THSD7A: variants seen among roughly 807,000 people sequenced by gnomAD.
The protein encoded by THSD7A is thrombospondin type 1 domain containing 7A, also known as thrombospondin type-1 domain-containing protein 7A.
A neutral mutation model predicts 231.3 loss-of-function variants in THSD7A; 96 were observed. That is an observed-to-expected ratio of 0.41 (90% CI 0.35 to 0.49). The LOEUF (loss-of-function observed/expected upper bound fraction) is 0.49. Among genes scored for constraint, THSD7A ranks in the 20% least tolerant of loss-of-function variants. THSD7A has a pLI of 0.05. For missense variants in THSD7A, 2,290 were observed against 2,070.2 expected (o/e 1.11, Z -2.06); for synonymous variants, 940 against 743.3 (o/e 1.26, Z -4.30).
chr7:11,550,964 A>T (rs924310761), intron 4 of THSD7A, among the ~76,000 whole-genome samples: 6 of 152,156 alleles, frequency 3.9e-5, no homozygotes, highest in Admixed American at 3.9e-4. Context: ...AGGCTGTAGT[A>T]ACCAAAACAG....
At chr7:11,394,459 G>C (rs913204213) in intron 23 of THSD7A, among the ~76,000 whole-genome samples, 1 of 152,148 alleles carries the variant, frequency 6.6e-6, no homozygotes. Context: ...CCTTCGGAAA[G>C]GTGCGAAGGC....
rs200675098 is a variant in THSD7A at position 11,636,155 on chromosome 7, T to C, written c.997A>G (p.Lys333Glu). The change falls in exon 2 of 28, where the codon AAG becomes GAG. Residue 333 changes from lysine (K) to glutamate (E), a missense_variant. Lys to Glu is a moderately conservative substitution (Grantham distance 56). Coordinates refer to ENST00000423059, the MANE Select transcript of THSD7A (RefSeq NM_015204.3). The surrounding 1 kb of genome is among the most constrained non-coding windows in gnomAD (Gnocchi z 10.0). ...CTTAAATCAGCAGCTTTCCCCGTCT[T>C]GTTAATGCACATAACCTCTCTGGTC... ...YQTREVMCINKTGKAADLSFC... is the reference protein window; with the variant it reads ...YQTREVMCINETGKAADLSFC... The C allele has an allele frequency of 2.5e-4, 407 of 1,612,656 alleles. No homozygotes were observed. The highest frequency in any genetic ancestry group is 3.2e-4 in the Non-Finnish European group (382 of 1,179,368).
chr7:11,601,257 T>A (rs752530146), intron 2 of THSD7A, among the ~76,000 whole-genome samples: 1 of 152,216 alleles, frequency 6.6e-6, no homozygotes, highest in South Asian at 2.1e-4. Context: ...GGATTAACAA[T>A]CTCAGCTTTT....
rs186831967 is a variant in THSD7A, at chr7:11,452,962, A to C, written c.2606-5538T>G. 2.0e-5 allele frequency among the ~76,000 whole-genome samples: 3 copies of C among 151,966 alleles called. No individual in the cohort carries two copies. The East Asian group carries it at 5.8e-4, about 29-fold the overall frequency. ...GAGATTAAAAATTACGTCTGTATAAAATTTCCTTAAAGCAAGCTCCTTCTC... is the reference window on the plus strand; with the variant it reads ...GAGATTAAAAATTACGTCTGTATAACATTTCCTTAAAGCAAGCTCCTTCTC... On this transcript the variant is annotated intron_variant, in intron 11 of 27. Transcript: ENST00000423059.
chr7:11,645,773 T>C (rs1343049498), intron 1 of THSD7A, among the ~76,000 whole-genome samples: 1 of 151,878 alleles, frequency 6.6e-6, no homozygotes, highest in East Asian at 1.9e-4. Flanking sequence ...ATTTGATCTT[T>C]ACATCAAGCA....
chr7:11,715,501 T>C (rs1404945063), intron 1 of THSD7A, among the ~76,000 whole-genome samples: 1 of 151,514 alleles, frequency 6.6e-6, no homozygotes, highest in Non-Finnish European at 1.5e-5. Flanking sequence ...TAGATATATA[T>C]GAAACATAAC....
Position 11,559,679 on chromosome 7 carries a change from G to A in THSD7A, c.1454-16562C>T, listed in dbSNP as rs111383548. Reference sequence around the variant, plus strand: ...AGAAAGAGAATAAAAAAAGATGGAAGAATTGATTGCAAAAGGCTAAAATTA... The same window carrying A: ...AGAAAGAGAATAAAAAAAGATGGAAAAATTGATTGCAAAAGGCTAAAATTA... On this transcript the variant is annotated intron_variant, in intron 4 of 27. Coordinates refer to ENST00000423059, the MANE Select transcript of THSD7A (RefSeq NM_015204.3). Among the ~76,000 whole-genome samples, 785 of 152,074 alleles carry A rather than the reference G, an allele frequency of 5.2e-3. 10 individuals are homozygous for A. Among genetic ancestry groups the A allele is most frequent in the African/African-American group, 0.018 (744 of 41,512 alleles).
At chr7:11,561,956 G>A (rs1237904308) in intron 4 of THSD7A, among the ~76,000 whole-genome samples, 1 of 152,186 alleles carries the variant, frequency 6.6e-6, no homozygotes, top group Non-Finnish European at 1.5e-5. Flanking sequence ...TACCCACTAT[G>A]CTACACTTTA....
chr7:11,535,863 C>A (rs958602018), intron 6 of THSD7A, among the ~76,000 whole-genome samples: 1 of 152,032 alleles, frequency 6.6e-6, no homozygotes, highest in Non-Finnish European at 1.5e-5. Context: ...AGAAGCAAAT[C>A]TTATTTAGGT....
At chr7:11,658,732 C>T (rs372245639) in intron 1 of THSD7A, among the ~76,000 whole-genome samples, 11 of 151,712 alleles carry the variant, frequency 7.3e-5, no homozygotes, top group African/African-American at 2.7e-4. Context: ...TTACGTTATT[C>T]GATTTCTTGC....
At chr7:11,758,700 G>A (rs1327243323) in intron 1 of THSD7A, among the ~76,000 whole-genome samples, 2 of 152,072 alleles carry the variant, frequency 1.3e-5, no homozygotes, top group Non-Finnish European at 2.9e-5. Context: ...AGTATCCTAT[G>A]AGAGTTCAAA....
At position 11,674,579 on chromosome 7, in the gene THSD7A, C is replaced by G. The variant is rs554432252; in HGVS notation, c.191-37618G>C. Among the ~76,000 whole-genome samples, 11 of 152,248 alleles carry G rather than the reference C, an allele frequency of 7.2e-5. No individual in the cohort carries two copies. The South Asian group carries it at 2.3e-3, about 32-fold the overall frequency. ...AGGAGCCCATCTGCAACAAAGGAAC[C>G]TGTACAGAGCCTTGGCCCTCTGAAG... is the stretch of plus-strand genomic sequence containing the variant. On this transcript the variant is annotated intron_variant, in intron 1 of 27. Transcript: ENST00000423059.
At chr7:11,462,192 A>G in intron 9 of THSD7A, 49 bp from the exon 10 acceptor site, 1 of 1,599,000 alleles carries the variant, frequency 6.3e-7, no homozygotes, top group Non-Finnish European at 8.5e-7. Flanking sequence ...TGATGAGATA[A>G]TCTCTAAATA....
chr7:11,541,353 CAG>C, intron 6 of THSD7A, 64 bp downstream of exon 6: 1 of 1,493,074 alleles, frequency 6.7e-7, no homozygotes, highest in East Asian at 2.3e-5. Flanking sequence ...AGGATTTTAA[CAG>C]AAAGTAAAAA....
chr7:11,734,772 A>G (rs1781851228), intron 1 of THSD7A, among the ~76,000 whole-genome samples: 1 of 151,982 alleles, frequency 6.6e-6, no homozygotes, highest in Non-Finnish European at 1.5e-5. Flanking sequence ...CATACAAGGC[A>G]TAACACAGTG....
chr7:11,504,686 C>G (rs1787472883), intron 6 of THSD7A, among the ~76,000 whole-genome samples: 3 of 152,054 alleles, frequency 2.0e-5, no homozygotes, highest in Admixed American at 2.0e-4. Context: ...AAACATTCAT[C>G]TTGGGCCAAA....
chr7:11,760,864 C>T (rs958576314), intron 1 of THSD7A, among the ~76,000 whole-genome samples: 1 of 150,972 alleles, frequency 6.6e-6, no homozygotes, highest in Non-Finnish European at 1.5e-5. Flanking sequence ...TTTTAAAAAT[C>T]CATTATCATA....
intron 4 of THSD7A, among the ~76,000 whole-genome samples, chr7:11,567,206 G>C (rs1453609177): frequency 6.6e-6 from 1 of 152,096 alleles, no homozygotes; most frequent in African/African-American, 2.4e-5. Context: ...CAGCATGGCT[G>C]TGGAGGCCTC....
intron 2 of THSD7A, among the ~76,000 whole-genome samples, chr7:11,628,721 A>T (rs183986277): frequency 6.6e-5 from 10 of 152,218 alleles, no homozygotes; most frequent in Admixed American, 1.3e-4. Flanking sequence ...AGTTTTGTTG[A>T]ATGAAAAGGT....
Sources: allele counts gnomAD v4.1 joint callset (sites outside exome capture counted in the v4.1 genomes callset), GRCh38; gene constraint gnomAD v4.1.1; non-coding constraint Gnocchi (gnomAD v3.1); transcripts MANE v1.5; gene names NCBI Gene and HGNC (gene_info 2026-07-23, HGNC 2026-07-21).